The following WDR47 variants were observed in gnomAD, a reference collection of about 807,000 sequenced individuals.
The protein encoded by WDR47 is WD repeat-containing protein 47.
WDR47 carries 32 observed loss-of-function variants against 97.2 expected under a neutral mutation model. The ratio of observed to expected loss-of-function variants is 0.33; its 90% confidence interval spans 0.25 to 0.44. The LOEUF (loss-of-function observed/expected upper bound fraction) is 0.44. WDR47 is among the 20% of genes least tolerant of loss of function. The pLI is 1.00. For missense variants in WDR47, 782 were observed against 1,102.3 expected (o/e 0.71, Z 4.11); for synonymous variants, 375 against 373.5 (o/e 1.00, Z -0.05).
chr1:108,980,282 C>T (rs1571141075), intron 13 of WDR47, among the ~76,000 whole-genome samples: 1 of 152,006 alleles, frequency 6.6e-6, no homozygotes, highest in South Asian at 2.1e-4. Flanking sequence ...TGCTGTAAAA[C>T]ATCATATCTG....
At chr1:108,981,665 GAGA>G (rs1259591068) in intron 13 of WDR47, 65 bp downstream of exon 13, 8 of 1,446,946 alleles carry the variant, frequency 5.5e-6, no homozygotes, top group African/African-American at 1.4e-5. Context: ...TATTGCAGGG[GAGA>G]AGAAGTAGAC....
intron 9 of WDR47, among the ~76,000 whole-genome samples, chr1:108,987,698 C>T (rs1658947565): frequency 2.0e-5 from 3 of 150,312 alleles, no homozygotes; most frequent in Admixed American, 2.0e-4. Flanking sequence ...AAACTCCTGA[C>T]CTGAAGTGAT....
chr1:109,021,968 C>G (rs1661880678), intron 2 of WDR47, among the ~76,000 whole-genome samples: 1 of 151,418 alleles, frequency 6.6e-6, no homozygotes, highest in South Asian at 2.1e-4. Flanking sequence ...CTGCCTTAGC[C>G]TCTCGAGTAG....
intron 7 of WDR47, among the ~76,000 whole-genome samples, chr1:108,998,693 T>C (rs1327882220): frequency 6.6e-6 from 1 of 152,122 alleles, no homozygotes; most frequent in Non-Finnish European, 1.5e-5. Flanking sequence ...TGCTATAATT[T>C]TTTTCAATAA....
At chr1:109,009,935 T>A (rs1009892012) in intron 5 of WDR47, among the ~76,000 whole-genome samples, 2 of 151,798 alleles carry the variant, frequency 1.3e-5, no homozygotes, top group African/African-American at 4.8e-5. Context: ...GAGACGGAGG[T>A]TGCAGTGAGC....
chr1:108,982,558 A>G (rs555696102), intron 12 of WDR47, 51 bp downstream of exon 12: 9 of 1,538,576 alleles, frequency 5.8e-6, no homozygotes, highest in African/African-American at 1.4e-5. Context: ...AGGAAAAAAA[A>G]GCACAGATTG....
intron 1 of WDR47, among the ~76,000 whole-genome samples, chr1:109,041,300 C>G (rs1382236218): frequency 6.6e-6 from 1 of 152,198 alleles, no homozygotes; most frequent in Admixed American, 6.5e-5. Flanking sequence ...CCCCTTTCCG[C>G]GACCACACCC....
intron 14 of WDR47, among the ~76,000 whole-genome samples, chr1:108,972,872 G>C (rs1657574707): frequency 6.6e-6 from 1 of 151,996 alleles, no homozygotes; most frequent in African/African-American, 2.4e-5. Flanking sequence ...GCATGAACTG[G>C]GAGGTGGAGC....
At chr1:108,977,193 C>T (rs1218304480) in intron 13 of WDR47, among the ~76,000 whole-genome samples, 1 of 152,058 alleles carries the variant, frequency 6.6e-6, no homozygotes, top group East Asian at 1.9e-4. Flanking sequence ...ACTCTGTCGC[C>T]CAGGCTGGAG....
Position 108,996,258 on chromosome 1 carries a change from A to AT in WDR47, c.1434-422dup, listed in dbSNP as rs1659742348. Among the ~76,000 whole-genome samples, 2 of 152,032 alleles carry AT rather than the reference A, an allele frequency of 1.3e-5. 1 individual carries two copies. Among genetic ancestry groups the AT allele is most frequent in the South Asian group, 4.2e-4 (2 of 4,818 alleles). On this transcript the variant is annotated intron_variant, in intron 7 of 14. Transcript: ENST00000369962. ...TTTTGTAGAGACAGAGTCTCCCTAT[A>AT]TGGCCTAGATTGGTCCTTAACTCCT... is the stretch of plus-strand genomic sequence containing the variant.
chr1:108,994,167 G>A (rs1659583778), intron 8 of WDR47, among the ~76,000 whole-genome samples: 1 of 152,158 alleles, frequency 6.6e-6, no homozygotes, highest in East Asian at 1.9e-4. Flanking sequence ...GGAGGCCGAG[G>A]TGAGCGAATC....
In WDR47 at chr1:108,988,908, C is replaced by T. The variant is rs973080485; in HGVS notation, c.1768-2228G>A. Among the ~76,000 whole-genome samples, 7 of 152,022 alleles carry T rather than the reference C, an allele frequency of 4.6e-5. No individual in the cohort carries two copies. In the South Asian group the frequency reaches 8.3e-4, roughly 18 times the overall value. ...AAGTAGCTGGGATTATAGGCATGCA[C>T]CACCACACCCGGCTAATTTTTGTAT... On this transcript the variant is annotated intron_variant, in intron 9 of 14. Coordinates refer to ENST00000369962, the MANE Select transcript of WDR47 (RefSeq NM_001142551.2).
At chr1:109,023,672 G>A (rs1175290023) in intron 1 of WDR47, among the ~76,000 whole-genome samples, 151 bp from the exon 2 acceptor site, 1 of 152,058 alleles carries the variant, frequency 6.6e-6, no homozygotes, top group Non-Finnish European at 1.5e-5. Context: ...AAACCAAGTC[G>A]TTCTTTAATA....
At chr1:109,040,827 T>C (rs1427467464) in intron 1 of WDR47, among the ~76,000 whole-genome samples, 1 of 152,192 alleles carries the variant, frequency 6.6e-6, no homozygotes, top group African/African-American at 2.4e-5. Flanking sequence ...TCTACTTGAA[T>C]TTACTGTGAA....
chr1:109,029,802 G>A lies in WDR47; in HGVS notation c.-9-6281C>T, dbSNP rs546214650. ...TGAGGCAGAGAACTGCTTGAGCCCAGGAGGTGGAGGCTGCAGTACACTGAG... is the reference window on the plus strand; with the variant it reads ...TGAGGCAGAGAACTGCTTGAGCCCAAGAGGTGGAGGCTGCAGTACACTGAG... On this transcript the variant is annotated intron_variant, in intron 1 of 14. Coordinates refer to ENST00000369962, the MANE Select transcript of WDR47 (RefSeq NM_001142551.2). 1.3e-3 allele frequency among the ~76,000 whole-genome samples: 196 copies of A among 151,262 alleles called. 1 individual carries two copies. In the South Asian group the frequency reaches 0.013, roughly 10 times the overall value.
chr1:108,994,022 T>A (rs1397190605), intron 8 of WDR47, among the ~76,000 whole-genome samples: 1 of 152,106 alleles, frequency 6.6e-6, no homozygotes. Context: ...TAAACAAAAA[T>A]TGATATATAC....
At chr1:109,015,055 A>C (rs759548000) in intron 3 of WDR47, among the ~76,000 whole-genome samples, 4 of 152,188 alleles carry the variant, frequency 2.6e-5, no homozygotes, top group Non-Finnish European at 4.4e-5. Flanking sequence ...TAACAAAAAA[A>C]AGACATAACA....
At chr1:108,997,620 C>A (rs1393854311) in intron 7 of WDR47, among the ~76,000 whole-genome samples, 1 of 151,378 alleles carries the variant, frequency 6.6e-6, no homozygotes, top group Admixed American at 6.6e-5. Flanking sequence ...ATTAGCCAGG[C>A]GTGGTGGTGG....
In WDR47 at chr1:109,011,151, T is replaced by C. The variant is rs374029522; in HGVS notation, c.895A>G (p.Met299Val). The C allele has an allele frequency of 4.3e-5, 69 of 1,614,018 alleles. No homozygotes were observed. The highest frequency in any genetic ancestry group is 4.0e-4 in the East Asian group (18 of 44,884). Reference sequence around the variant, plus strand: ...GCATCAGCTGATTGAGGTCTTCTCATTGGGGATGATGGATAGGGAGAGAGT... The same window carrying C: ...GCATCAGCTGATTGAGGTCTTCTCACTGGGGATGATGGATAGGGAGAGAGT... Reference protein sequence around the residue: ...SKLSPYPSSPMRRPQSADAYM... With the variant: ...SKLSPYPSSPVRRPQSADAYM... Residue 299 changes from methionine (M) to valine (V), a missense_variant, in exon 5 of 15, where the codon ATG becomes GTG. This residue lies in a region of WDR47 where 428 missense variants were observed against 584.3 expected (regional missense o/e 0.73). Coordinates refer to ENST00000369962, the MANE Select transcript of WDR47 (RefSeq NM_001142551.2).
Sources: allele counts gnomAD v4.1 joint callset (sites outside exome capture counted in the v4.1 genomes callset), GRCh38; gene constraint gnomAD v4.1.1; regional missense constraint gnomAD v4.1.1; transcripts MANE v1.5; gene names NCBI Gene and HGNC (gene_info 2026-07-23, HGNC 2026-07-21).